The following PCNX1 variants were observed in gnomAD, a reference collection of about 807,000 sequenced individuals.
PCNX1 encodes the protein pecanex-like protein 1.
In PCNX1, 78 loss-of-function variants were observed where a neutral mutation model predicts 242.2. That is an observed-to-expected ratio of 0.32 (90% CI 0.27 to 0.39). The LOEUF is 0.39. Among genes scored for constraint, PCNX1 ranks in the 10% least tolerant of loss-of-function variants. The probability of loss-of-function intolerance (pLI) is 1.00; values close to 1 mark genes in which losing one functional copy is unlikely to be tolerated. For missense variants in PCNX1, 2,581 were observed against 2,856.5 expected, an observed-to-expected ratio of 0.90 and a Z score of 2.20; for synonymous variants, 1,024 against 1,032.9, an observed-to-expected ratio of 0.99 and a Z score of 0.17.
intron 18 of PCNX1, among the ~76,000 whole-genome samples, chr14:71,035,235 A>C (rs900226084): frequency 2.0e-5 from 3 of 152,074 alleles, no homozygotes; most frequent in African/African-American, 4.8e-5. Context: ...AACAAACAAA[A>C]AATTACAGTA....
intron 1 of PCNX1, among the ~76,000 whole-genome samples, chr14:70,935,061 C>T (rs1371333056): frequency 6.6e-6 from 1 of 152,214 alleles, no homozygotes; most frequent in Non-Finnish European, 1.5e-5. Flanking sequence ...TGTCCTTTGT[C>T]ACCCAGAAAC....
chr14:71,028,473 CAAG>C (rs1239736721), intron 15 of PCNX1, among the ~76,000 whole-genome samples: 2 of 151,584 alleles, frequency 1.3e-5, no homozygotes, highest in Non-Finnish European at 2.9e-5. Context: ...TTATTGCTTC[CAAG>C]ATGAACATAT....
chr14:71,047,210 C>G lies in PCNX1; in HGVS notation c.4160+105C>G, dbSNP rs1022183738. On this transcript the variant is annotated intron_variant, in intron 21 of 35. Transcript: ENST00000304743. Reference sequence around the variant, plus strand: ...AAATAATTGTTTCCTTCATGCAAGGCACTGTGAGATTAAAAATTTAGGTGA... The same window carrying G: ...AAATAATTGTTTCCTTCATGCAAGGGACTGTGAGATTAAAAATTTAGGTGA... The G allele has an allele frequency of 4.0e-5, 27 of 669,036 alleles. No individual in the cohort carries two copies. The African/African-American group carries it at 5.5e-4, about 14-fold the overall frequency. The allele number at this position is 669,036 out of a possible 1,614,324, so 41.4% of individuals were successfully genotyped here.
chr14:71,048,233 A>G (rs937978123), intron 22 of PCNX1, among the ~76,000 whole-genome samples: 1 of 152,160 alleles, frequency 6.6e-6, no homozygotes, highest in South Asian at 2.1e-4. Context: ...ATTAATAAGT[A>G]TATTTTAAAA....
rs1409336221 is a variant in PCNX1, at chr14:71,034,007, C to T, written c.3745C>T (p.Pro1249Ser). Reference protein sequence around the residue: ...PEDPLSEVKDPLPEKLRNSVS... With the variant: ...PEDPLSEVKDSLPEKLRNSVS... The stretch of plus-strand genomic sequence containing the variant: ...AGACCCTCTATCTGAAGTAAAAGAT[C>T]CACTGCCTGAAAAACTTAGAAATTC... The change falls in exon 18 of 36, where the codon CCA (proline) becomes TCA (serine). Residue 1249 changes from proline (P) to serine (S), a missense_variant. Coordinates refer to ENST00000304743, the MANE Select transcript of PCNX1 (RefSeq NM_014982.3). 6.2e-7 allele frequency: 1 copy of T among 1,602,776 alleles called. No homozygotes were observed. Among genetic ancestry groups the T allele is most frequent in the Non-Finnish European group, 8.5e-7 (1 of 1,172,826 alleles).
At chr14:71,084,275 G>A (rs539062375) in intron 28 of PCNX1, among the ~76,000 whole-genome samples, 2 of 152,328 alleles carry the variant, frequency 1.3e-5, no homozygotes, top group East Asian at 3.9e-4. Flanking sequence ...CCTGTATGAG[G>A]TGTCTGTCGA....
intron 2 of PCNX1, among the ~76,000 whole-genome samples, chr14:70,959,728 C>A (rs1032237912): frequency 1.3e-5 from 2 of 150,576 alleles, no homozygotes; most frequent in African/African-American, 4.9e-5. Context: ...GATTTATAGT[C>A]CTTTGGGTAT....
chr14:71,085,834 CT>C, intron 28 of PCNX1: 1 of 356,040 alleles, frequency 2.8e-6, no homozygotes, highest in Non-Finnish European at 5.7e-6. Context: ...CTCTGTTTTC[CT>C]TATCAATAAG....
intron 30 of PCNX1, among the ~76,000 whole-genome samples, chr14:71,096,075 T>G (rs1390797837): frequency 1.3e-5 from 2 of 152,104 alleles, no homozygotes; most frequent in Non-Finnish European, 2.9e-5. Context: ...ATCCCAACAC[T>G]TTGGGAGGCT....
chr14:71,036,902 T>G (rs1004592795), intron 19 of PCNX1, among the ~76,000 whole-genome samples: 18 of 152,304 alleles, frequency 1.2e-4, no homozygotes, highest in South Asian at 2.1e-4. Flanking sequence ...TCACGATATT[T>G]ATTCTTCCTA....
chr14:71,075,778 G>A (rs998449162), intron 27 of PCNX1, among the ~76,000 whole-genome samples: 1 of 151,978 alleles, frequency 6.6e-6, no homozygotes. Flanking sequence ...GGCACCTGTA[G>A]TCCCAGCTGA....
Position 70,977,801 on chromosome 14 carries a change from A to G in PCNX1, c.1464A>G (p.Glu488=), listed in dbSNP as rs1566648727. The change falls in exon 6 of 36, where the codon GAA becomes GAG. Residue 488 remains glutamate, a synonymous_variant. Transcript: ENST00000304743. ...NQRGLSTSAS[E]EANKNPHANE... is the part of the protein sequence containing the mutation. ...GAGGTCTCAGCACCTCTGCATCTGA[A>G]GAAGCCAATAAAAATCCCCATGCAA... 1 of 1,614,160 alleles carries G rather than the reference A, an allele frequency of 6.2e-7. No homozygotes were observed. Among genetic ancestry groups the G allele is most frequent in the Non-Finnish European group, 8.5e-7 (1 of 1,180,026 alleles).
intron 7 of PCNX1, among the ~76,000 whole-genome samples, chr14:70,993,183 C>T (rs79158779): frequency 2.1e-4 from 31 of 150,320 alleles, no homozygotes; most frequent in Middle Eastern, 6.8e-3. Context: ...TGCAGTGGCA[C>T]GATCTCGGCT....
chr14:71,020,296 C>G (rs1233681577), intron 12 of PCNX1, among the ~76,000 whole-genome samples: 2 of 152,044 alleles, frequency 1.3e-5, no homozygotes, highest in Non-Finnish European at 2.9e-5. Flanking sequence ...GGGTATATAC[C>G]CAGTAATGGG....
rs375128241 is a variant in PCNX1 at position 71,010,931 on chromosome 14, AATT to A, written c.2721-556_2721-554del. Reference sequence around the variant, plus strand: ...AGTTTCAGAATTCACCCTCTCAAAAAATTATTAAATTGTACTGTTACCCTGATT... The same window carrying A: ...AGTTTCAGAATTCACCCTCTCAAAAAATTAAATTGTACTGTTACCCTGATT... On this transcript the variant is annotated intron_variant, in intron 9 of 35. Coordinates refer to ENST00000304743, the MANE Select transcript of PCNX1 (RefSeq NM_014982.3). 3.5e-3 allele frequency among the ~76,000 whole-genome samples: 538 copies of A among 152,208 alleles called. 1 individual carries two copies. Among genetic ancestry groups the A allele is most frequent in the African/African-American group, 0.013 (522 of 41,554 alleles).
At chr14:71,046,941 C>A (rs2060878141) in intron 20 of PCNX1, 23 bp from the exon 21 acceptor site, 2 of 1,583,144 alleles carry the variant, frequency 1.3e-6, no homozygotes, top group African/African-American at 1.4e-5. Flanking sequence ...GACATGTAGT[C>A]TTGATTTATA....
At chr14:70,936,116 G>A (rs1180400726) in intron 1 of PCNX1, among the ~76,000 whole-genome samples, 1 of 151,996 alleles carries the variant, frequency 6.6e-6, no homozygotes, top group Non-Finnish European at 1.5e-5. Context: ...TAAACAACTA[G>A]GAATTTTATT....
At chr14:71,069,156 T>G (rs1469121343) in intron 26 of PCNX1, among the ~76,000 whole-genome samples, 1 of 152,108 alleles carries the variant, frequency 6.6e-6, no homozygotes, top group Non-Finnish European at 1.5e-5. Flanking sequence ...TGAGACTTAC[T>G]TACTACCACA....
rs900851239 is a variant in PCNX1, at chr14:70,974,765, C to T, written c.605-2177C>T. On this transcript the variant is annotated intron_variant, in intron 5 of 35. Transcript: ENST00000304743. The stretch of plus-strand genomic sequence containing the variant: ...CCATGAGCAGTATGTCTTTCTTATT[C>T]TAAACGCCACTAATAACAATTATTT... 3.3e-5 allele frequency among the ~76,000 whole-genome samples: 5 copies of T among 152,224 alleles called. No homozygotes were observed. The East Asian group carries it at 9.7e-4, about 29-fold the overall frequency.
Sources: allele counts gnomAD v4.1 joint callset (sites outside exome capture counted in the v4.1 genomes callset), GRCh38; gene constraint gnomAD v4.1.1; transcripts MANE v1.5; gene names NCBI Gene and HGNC (gene_info 2026-07-23, HGNC 2026-07-21).